Variants in SYNE1 observed in about 807,000 individuals in gnomAD.
SYNE1 encodes spectrin repeat containing nuclear envelope protein 1.
SYNE1 carries 616 observed loss-of-function variants against 1,111.0 expected under a neutral mutation model. The observed-to-expected ratio is 0.55, with a 90% CI of 0.52 to 0.59. The LOEUF is 0.59. Ranked by LOEUF, SYNE1 falls within the 20% of genes least tolerant of loss-of-function variation. The pLI, the probability that SYNE1 is intolerant of heterozygous loss-of-function variation, is 0.00. For missense variants in SYNE1, 10,006 were observed against 10,417.0 expected, an observed-to-expected ratio of 0.96 and a Z score of 1.72; for synonymous variants, 3,855 against 3,825.8, an observed-to-expected ratio of 1.01 and a Z score of -0.28.
At position 152,430,503 on chromosome 6, in the gene SYNE1, C is replaced by T; in HGVS notation, c.4668G>A (p.Lys1556=). Residue 1556 remains lysine, a synonymous_variant, in exon 35 of 146, where the codon AAG becomes AAA. Transcript: ENST00000367255. ...TTACCTTTCTAAGGTTCTCTTCAAA[C>T]TTTTGCTGCTGAGATAAATGTCCCA... ...TILGHLSQQQ[K]FEENLRKIQQ... 6.2e-7 allele frequency: 1 copy of T among 1,614,036 alleles called. No individual in the cohort carries two copies. The highest frequency in any genetic ancestry group is 8.5e-7 in the Non-Finnish European group (1 of 1,179,938).
intron 123 of SYNE1, among the ~76,000 whole-genome samples, chr6:152,212,925 T>A (rs528910984): frequency 1.3e-5 from 2 of 152,220 alleles, no homozygotes; most frequent in African/African-American, 4.8e-5. Flanking sequence ...TTAAATTTTC[T>A]ATTTAAAAAA....
At chr6:152,278,419 C>T in intron 97 of SYNE1, 139 bp from the exon 98 acceptor site, 1 of 909,782 alleles carries the variant, frequency 1.1e-6, no homozygotes, top group Non-Finnish European at 1.8e-6. Context: ...TTTCCCACGG[C>T]CTTGACGAGT....
At chr6:152,435,737 C>A (rs1248439059) in intron 33 of SYNE1, 2 of 629,774 alleles carry the variant, frequency 3.2e-6, no homozygotes, top group Admixed American at 3.0e-5. Context: ...AAACCCACAT[C>A]CTTTATATTT....
intron 111 of SYNE1, 96 bp downstream of exon 111, chr6:152,234,572 T>G: frequency 2.1e-4 from 302 of 1,448,996 alleles, no homozygotes; most frequent in Non-Finnish European, 2.7e-4. Context: ...ATTACAGGTG[T>G]GAGCCACCGC....
chr6:152,224,250 A>G (rs950466058), intron 117 of SYNE1, among the ~76,000 whole-genome samples: 2 of 152,228 alleles, frequency 1.3e-5, no homozygotes, highest in African/African-American at 4.8e-5. Context: ...GACGATGTGA[A>G]TATTTTTTTA....
In SYNE1 at chr6:152,300,698, A is replaced by T. The variant is rs758878593; in HGVS notation, c.17625T>A (p.Ser5875=). The T allele has an allele frequency of 5.6e-6, 9 of 1,614,096 alleles. No individual in the cohort carries two copies. The highest frequency in any genetic ancestry group is 7.6e-6 in the Non-Finnish European group (9 of 1,180,044). The change falls in exon 93 of 146, where the codon TCT becomes TCA. Residue 5875 remains serine, a synonymous_variant. Coordinates refer to ENST00000367255, the MANE Select transcript of SYNE1 (RefSeq NM_182961.4). ...GTGAAGGGGAGCGACAGGCAGGTGG[A>T]GAGGAAATCTCACTGTTGGTTCCCT... ...GEEGTNSEIS[S]PPACRSPSPV...
intron 3 of SYNE1, among the ~76,000 whole-genome samples, chr6:152,578,849 A>T (rs993871287): frequency 1.4e-4 from 22 of 151,834 alleles, no homozygotes; most frequent in Middle Eastern, 3.4e-3. Context: ...TTAACTTTTT[A>T]TTTTTTTTAA....
At chr6:152,173,701 A>C (rs1359298961) in intron 130 of SYNE1, among the ~76,000 whole-genome samples, 1 of 152,196 alleles carries the variant, frequency 6.6e-6, no homozygotes, top group African/African-American at 2.4e-5. Flanking sequence ...ATCAGTGCCT[A>C]ATCTAGTCTA....
chr6:152,231,474 G>T lies in SYNE1; in HGVS notation c.20956C>A (p.Arg6986Ser), dbSNP rs1259236726. The change falls in exon 114 of 146, where the codon CGT becomes AGT. Residue 6986 changes from arginine (R) to serine (S), a missense_variant. Arg to Ser is a moderately radical substitution (Grantham distance 110). Around this residue, in one of 7 missense-constraint regions of SYNE1, gnomAD observed 2,182 missense variants for 2,287.8 expected, o/e 0.95. Coordinates refer to ENST00000367255, the MANE Select transcript of SYNE1 (RefSeq NM_182961.4). ...QISSQDVESK[R>S]SDKTDFAEQL... ...TCAGCAAAATCAGTCTTATCACTAC[G>T]CTTACTTTCCACATCCTGACTGCTG... The T allele has an allele frequency of 6.2e-7, 1 of 1,613,960 alleles. No homozygotes were observed. Among genetic ancestry groups the T allele is most frequent in the East Asian group, 2.2e-5 (1 of 44,884 alleles).
rs1443122468 is a variant in SYNE1, at chr6:152,283,967, T to A, written c.18207+11A>T. The A allele has an allele frequency of 1.9e-6, 3 of 1,611,512 alleles. No individual in the cohort carries two copies. The highest frequency in any genetic ancestry group is 2.5e-6 in the Non-Finnish European group (3 of 1,177,790). On this transcript the variant is annotated intron_variant, in intron 96 of 145. Transcript: ENST00000367255. ...CAGAAGTGAGGAGGCCACTTTACAGTTATTGGTTACCTCCAAAAGCTGCCG... is the reference window on the plus strand; with the variant it reads ...CAGAAGTGAGGAGGCCACTTTACAGATATTGGTTACCTCCAAAAGCTGCCG...
intron 3 of SYNE1, among the ~76,000 whole-genome samples, chr6:152,563,521 G>A (rs1227838355): frequency 1.3e-5 from 2 of 151,998 alleles, no homozygotes; most frequent in Non-Finnish European, 2.9e-5. Flanking sequence ...TGTTGATTGT[G>A]GTAATTGTTT....
chr6:152,539,040 G>T (rs188551311), intron 4 of SYNE1, among the ~76,000 whole-genome samples: 71 of 152,268 alleles, frequency 4.7e-4, no homozygotes, highest in Admixed American at 4.6e-3. Context: ...TATCAAAATG[G>T]CTTTGGGGAA....
At chr6:152,215,246 C>G (rs185235895) in intron 121 of SYNE1, among the ~76,000 whole-genome samples, 186 bp from the exon 122 acceptor site, 2 of 152,178 alleles carry the variant, frequency 1.3e-5, no homozygotes. Context: ...ACTTTTCAGT[C>G]TAAACTGCTG....
intron 140 of SYNE1, among the ~76,000 whole-genome samples, chr6:152,139,463 A>G (rs2057880443): frequency 6.6e-6 from 1 of 150,632 alleles, no homozygotes; most frequent in Admixed American, 6.6e-5. Flanking sequence ...CCCAGCTACT[A>G]GTGGGGCTGA....
chr6:152,520,524 G>A lies in SYNE1; in HGVS notation c.244C>T (p.Arg82Trp), dbSNP rs772761179. The change falls in exon 6 of 146, where the codon CGG becomes TGG. Residue 82 changes from arginine to tryptophan, a missense_variant. Transcript: ENST00000367255. ...GCCACAGCATGGATTCGCTTCATCC[G>A]GCGTCCTTGTTCACAAGGCTGTAAA... ...GQKLPCEQGR[R>W]MKRIHAVANI... The A allele has an allele frequency of 2.6e-5, 42 of 1,613,490 alleles. No individual in the cohort carries two copies. The highest frequency in any genetic ancestry group is 5.0e-5 in the Admixed American group (3 of 59,952).
intron 142 of SYNE1, 72 bp from the exon 143 acceptor site, chr6:152,133,560 T>C: frequency 1.4e-6 from 2 of 1,434,350 alleles, no homozygotes; most frequent in Non-Finnish European, 1.9e-6. Context: ...AAGTGCAGAA[T>C]GCAATCAACT....
intron 101 of SYNE1, among the ~76,000 whole-genome samples, chr6:152,257,430 G>A (rs2091093627): frequency 6.6e-6 from 1 of 152,188 alleles, no homozygotes; most frequent in African/African-American, 2.4e-5. Flanking sequence ...CAATTCAGGT[G>A]ACTGAGGCAC....
intron 106 of SYNE1, among the ~76,000 whole-genome samples, chr6:152,242,975 A>G (rs1441687980): frequency 6.6e-6 from 1 of 152,226 alleles, no homozygotes; most frequent in Non-Finnish European, 1.5e-5. Flanking sequence ...AAATTTAATA[A>G]GTTAAAATAT....
intron 59 of SYNE1, among the ~76,000 whole-genome samples, chr6:152,371,895 A>C (rs4605894): frequency 0.015 from 1,616 of 111,086 alleles, 93 homozygotes; most frequent in African/African-American, 0.061. Flanking sequence ...AAGGAAAGGA[A>C]AGGAAAGGAA....
Sources: allele counts gnomAD v4.1 joint callset (sites outside exome capture counted in the v4.1 genomes callset), GRCh38; gene constraint gnomAD v4.1.1; regional missense constraint gnomAD v4.1.1; transcripts MANE v1.5; gene names NCBI Gene and HGNC (gene_info 2026-07-23, HGNC 2026-07-21).